PGAP1: variants seen among roughly 807,000 people sequenced by gnomAD.
PGAP1 encodes the protein post-GPI attachment to proteins inositol deacylase 1, also known as GPI inositol-deacylase.
PGAP1 carries 76 observed loss-of-function variants against 127.0 expected under a neutral mutation model. That is an observed-to-expected ratio of 0.60 (90% confidence interval 0.50 to 0.72). The LOEUF (loss-of-function observed/expected upper bound fraction) is 0.72, where lower values mean the gene tolerates loss of function less well. PGAP1 is among the 30% of genes least tolerant of loss of function. The probability of loss-of-function intolerance (pLI) is 0.00; values close to 1 mark genes in which losing one functional copy is unlikely to be tolerated. For synonymous variants in PGAP1, 362 were observed against 366.5 expected (o/e 0.99, Z 0.14); for missense variants, 982 against 1,071.3 (o/e 0.92, Z 1.16).
At chr2:196,876,068 A>C (rs766422116) in intron 13 of PGAP1, among the ~76,000 whole-genome samples, 11 of 152,176 alleles carry the variant, frequency 7.2e-5, no homozygotes, top group Non-Finnish European at 1.0e-4. Flanking sequence ...TTTCTAGAAC[A>C]ACAGATTCAT....
chr2:196,849,025 T>C (rs1432974817), intron 20 of PGAP1, among the ~76,000 whole-genome samples: 1 of 152,180 alleles, frequency 6.6e-6, no homozygotes, highest in African/African-American at 2.4e-5. Context: ...CAGGTGATTT[T>C]TGATAAGCAT....
At chr2:196,866,127 GTTTCA>G (rs1701233012) in intron 19 of PGAP1, among the ~76,000 whole-genome samples, 1 of 151,558 alleles carries the variant, frequency 6.6e-6, no homozygotes, top group Non-Finnish European at 1.5e-5. Flanking sequence ...AAACTACTTT[GTTTCA>G]TATGGAACCA....
In PGAP1 at chr2:196,834,913, G is replaced by A. The variant is rs1041190351; in HGVS notation, c.*6321C>T. The A allele has an allele frequency of 3.9e-5, 6 of 151,936 alleles. No individual in the cohort carries two copies. Among genetic ancestry groups the A allele is most frequent in the Admixed American group, 1.3e-4 (2 of 15,264 alleles). 9.4% of individuals were successfully genotyped at this position (151,936 alleles called of 1,614,324 possible). On this transcript the variant is annotated 3_prime_UTR_variant, in exon 27 of 27. Coordinates refer to ENST00000354764, the MANE Select transcript of PGAP1 (RefSeq NM_024989.4). ...CCTATGGTCCCCATTAGAATAAACT[G>A]TCACTAAATCAAGGCCAGAGATTTC...
Position 196,904,643 on chromosome 2 carries a change from G to A in PGAP1, c.650-1901C>T, listed in dbSNP as rs375790473. Among the ~76,000 whole-genome samples the A allele has an allele frequency of 1.2e-4, 18 of 152,116 alleles. No individual in the cohort carries two copies. The East Asian group carries it at 2.7e-3, about 23-fold the overall frequency. On this transcript the variant is annotated intron_variant, in intron 4 of 26. Coordinates refer to ENST00000354764, the MANE Select transcript of PGAP1 (RefSeq NM_024989.4). ...CTTGGGAGGCTGAGGCAGGAGAATC[G>A]CTTGAACCCAGGAGGCGGAGGTTGC...
At chr2:196,871,723 A>T (rs561713905) in intron 18 of PGAP1, among the ~76,000 whole-genome samples, 11 of 152,328 alleles carry the variant, frequency 7.2e-5, no homozygotes, top group Non-Finnish European at 1.5e-4. Flanking sequence ...TGACAAAATC[A>T]ATCCTAGTTT....
At chr2:196,923,805 C>T (rs764011724) in intron 1 of PGAP1, among the ~76,000 whole-genome samples, 6 of 152,082 alleles carry the variant, frequency 3.9e-5, no homozygotes, top group African/African-American at 4.8e-5. Context: ...CGACTATAGA[C>T]GCACGCCAAC....
chr2:196,850,014 A>G (rs1432199650), intron 20 of PGAP1, among the ~76,000 whole-genome samples: 3 of 152,184 alleles, frequency 2.0e-5, no homozygotes, highest in African/African-American at 7.2e-5. Flanking sequence ...ATTAAGAGGT[A>G]TCAGCAGATA....
chr2:196,855,879 G>C (rs564820273), intron 20 of PGAP1, among the ~76,000 whole-genome samples: 2 of 152,234 alleles, frequency 1.3e-5, no homozygotes, highest in Admixed American at 1.3e-4. Flanking sequence ...TTATATTTGA[G>C]AAGATGCACA....
At chr2:196,878,067 C>T (rs1393233339) in intron 13 of PGAP1, among the ~76,000 whole-genome samples, 3 of 151,956 alleles carry the variant, frequency 2.0e-5, no homozygotes, top group East Asian at 3.8e-4. Context: ...AAGGGGAGTC[C>T]GAAGGGCCCT....
chr2:196,842,970 T>C (rs578037100), intron 25 of PGAP1, 145 bp from the exon 26 acceptor site: 23 of 380,854 alleles, frequency 6.0e-5, no homozygotes, highest in Non-Finnish European at 2.9e-5. Flanking sequence ...AAATATCTGA[T>C]AAATAATTTT....
At chr2:196,918,799 G>A (rs62185193) in intron 2 of PGAP1, among the ~76,000 whole-genome samples, 2 of 152,082 alleles carry the variant, frequency 1.3e-5, no homozygotes, top group South Asian at 2.1e-4. Flanking sequence ...TTGGTTTCAC[G>A]GGTGTTCACT....
Position 196,872,526 on chromosome 2 carries a change from G to A in PGAP1, c.1643C>T (p.Ser548Phe). 6.2e-7 allele frequency: 1 copy of A among 1,612,550 alleles called. No homozygotes were observed. Among genetic ancestry groups the A allele is most frequent in the Non-Finnish European group, 8.5e-7 (1 of 1,178,638 alleles). The change falls in exon 18 of 27, where the codon TCT becomes TTT. Residue 548 changes from serine (S) to phenylalanine (F), a missense_variant. Ser to Phe is a radical substitution (Grantham distance 155). Transcript: ENST00000354764. Reference sequence around the variant, plus strand: ...TGGTTGAGCAATATGGAGTTTCAGAGAAATTTCTGTGGAAGATGGAGCCCT... The same window carrying A: ...TGGTTGAGCAATATGGAGTTTCAGAAAAATTTCTGTGGAAGATGGAGCCCT... ...IAQAPSSTEI[S>F]LKLHIAQPEN...
chr2:196,853,996 T>A (rs1340723650), intron 20 of PGAP1, among the ~76,000 whole-genome samples: 1 of 148,398 alleles, frequency 6.7e-6, no homozygotes, highest in Non-Finnish European at 1.5e-5. Flanking sequence ...GCTTAAGTAA[T>A]CCTCCCTTCT....
At chr2:196,899,071 C>T (rs1351646419) in intron 5 of PGAP1, among the ~76,000 whole-genome samples, 1 of 152,182 alleles carries the variant, frequency 6.6e-6, no homozygotes, top group African/African-American at 2.4e-5. Context: ...CTCCTTTTCA[C>T]ACCAGATAAT....
chr2:196,926,673 G>C lies in PGAP1; in HGVS notation c.-57C>G, dbSNP rs939576794. ...CCCCCTCTACCTCCTTCTCCGCCGC[G>C]GGGCCCCAAGCCCGGACTGAGCGTG... is the stretch of plus-strand genomic sequence containing the variant. On this transcript the variant is annotated 5_prime_UTR_variant, in exon 1 of 27. Transcript: ENST00000354764. The C allele has an allele frequency of 1.2e-5, 20 of 1,609,480 alleles. No individual in the cohort carries two copies. In the African/African-American group the frequency reaches 2.4e-4, roughly 19 times the overall value.
chr2:196,844,494 T>C (rs776803938), intron 24 of PGAP1, 30 bp downstream of exon 24: 11 of 1,521,516 alleles, frequency 7.2e-6, no homozygotes, highest in Non-Finnish European at 9.8e-6. Context: ...TCATTTTAAA[T>C]TTATGTAGAG....
At chr2:196,869,496 G>A (rs186304385) in intron 19 of PGAP1, among the ~76,000 whole-genome samples, 18 of 152,146 alleles carry the variant, frequency 1.2e-4, no homozygotes, top group East Asian at 7.7e-4. Context: ...CACCACGTCC[G>A]GCTAATTTTT....
chr2:196,853,814 T>G (rs1700790487), intron 20 of PGAP1, among the ~76,000 whole-genome samples: 1 of 152,182 alleles, frequency 6.6e-6, no homozygotes, highest in Non-Finnish European at 1.5e-5. Flanking sequence ...TTTTACTACT[T>G]TAACCGAAAT....
intron 8 of PGAP1, among the ~76,000 whole-genome samples, chr2:196,892,833 T>A (rs1053615550): frequency 6.6e-6 from 1 of 152,096 alleles, no homozygotes; most frequent in African/African-American, 2.4e-5. Flanking sequence ...GAGTCAAGAA[T>A]AATATGGCAC....
Sources: allele counts gnomAD v4.1 joint callset (sites outside exome capture counted in the v4.1 genomes callset), GRCh38; gene constraint gnomAD v4.1.1; transcripts MANE v1.5; gene names NCBI Gene and HGNC (gene_info 2026-07-23, HGNC 2026-07-21).